ZYX: variants seen among roughly 807,000 people sequenced by gnomAD.
The protein encoded by ZYX is zyxin.
In ZYX, 37 loss-of-function variants were observed where a neutral mutation model predicts 58.1. That is an observed-to-expected ratio of 0.64 (90% CI 0.49 to 0.84). ZYX has a LOEUF of 0.84. Among genes scored for constraint, ZYX ranks in the 40% least tolerant of loss-of-function variants. ZYX has a pLI of 0.00. For synonymous variants in ZYX, 324 were observed against 321.1 expected (o/e 1.01, Z -0.10); for missense variants, 762 against 761.6 (o/e 1.00, Z -0.01).
In ZYX at chr7:143,383,733, A is replaced by T. The variant is rs148552400; in HGVS notation, c.1023+411A>T. ...GCACTCTTTCTGCCTGAGGGCTTGG[A>T]GGTAAGAGACAGCCCCAGTAAACAC... On this transcript the variant is annotated intron_variant, in intron 5 of 9. Transcript: ENST00000322764. Among the ~76,000 whole-genome samples, 38 of 152,226 alleles carry T rather than the reference A, an allele frequency of 2.5e-4. 1 individual carries two copies. In the East Asian group the frequency reaches 6.6e-3, roughly 26 times the overall value.
intron 2 of ZYX, 99 bp from the exon 3 acceptor site, chr7:143,382,149 G>A (rs964504548): frequency 2.1e-5 from 22 of 1,033,536 alleles, no homozygotes; most frequent in Admixed American, 1.0e-4. Flanking sequence ...TGGGACCCCT[G>A]AGAGAGTTCT....
At position 143,381,713 on chromosome 7, in the gene ZYX, C is replaced by T; in HGVS notation, c.142C>T (p.Pro48Ser). ...CCGGCCCGGGGACAGCGAGCCTCCC[C>T]CGGCACCCGGGGCCCAGCGCGCACA... is the stretch of plus-strand genomic sequence containing the variant. ...PFRPGDSEPP[P>S]APGAQRAQMG... is the part of the protein sequence containing the mutation. The change falls in exon 2 of 10, where the codon CCG becomes TCG. Residue 48 changes from proline to serine, a missense_variant. Physicochemically the swap from Pro to Ser is moderately conservative, Grantham distance 74. Transcript: ENST00000322764. 2 of 1,602,950 alleles carry T rather than the reference C, an allele frequency of 1.2e-6. No homozygotes were observed. The highest frequency in any genetic ancestry group is 1.1e-5 in the South Asian group (1 of 89,842).
Position 143,389,866 on chromosome 7 carries a change from C to T in ZYX, c.1503C>T (p.Ala501=). Residue 501 remains alanine (A), a synonymous_variant, in exon 9 of 10, where the codon GCC becomes GCT. Transcript: ENST00000322764. This position sits in a 1 kb window ranked among gnomAD's most constrained non-coding sequence, Gnocchi z 5.6. ...TTTCTGCCCCTTCCAGGCAGTACGC[C>T]CCGAGGTGCTCCGTCTGCTCTGAGC... ...HCVPDYHKQY[A]PRCSVCSEPI... 6.2e-7 allele frequency: 1 copy of T among 1,614,012 alleles called. No individual in the cohort carries two copies. Among genetic ancestry groups the T allele is most frequent in the Non-Finnish European group, 8.5e-7 (1 of 1,179,988 alleles).
chr7:143,389,145 G>C lies in ZYX; in HGVS notation c.1493+200G>C, dbSNP rs1804979210. Among the ~76,000 whole-genome samples the C allele has an allele frequency of 6.6e-6, 1 of 152,252 alleles. No individual in the cohort carries two copies. The highest frequency in any genetic ancestry group is 2.4e-5 in the African/African-American group (1 of 41,470). ...GGCCTGGGCATCGAGTCCTGCTGCT[G>C]TCTGGTCCCTCCCTCGCCCTTGATC... is the stretch of plus-strand genomic sequence containing the variant. On this transcript the variant is annotated intron_variant, in intron 8 of 9. Coordinates refer to ENST00000322764, the MANE Select transcript of ZYX (RefSeq NM_003461.5). The surrounding 1 kb of genome is among the most constrained non-coding windows in gnomAD (Gnocchi z 5.6).
chr7:143,382,144 C>T (rs1804631370), intron 2 of ZYX, 104 bp from the exon 3 acceptor site: 1 of 981,280 alleles, frequency 1.0e-6, no homozygotes, highest in South Asian at 1.6e-5. Flanking sequence ...CGCTCTGGGA[C>T]CCCTGAGAGA....
At chr7:143,383,390 G>C in intron 5 of ZYX, 68 bp downstream of exon 5, 2 of 1,510,416 alleles carry the variant, frequency 1.3e-6, no homozygotes, top group Non-Finnish European at 1.8e-6. Flanking sequence ...AGGAGCCAGA[G>C]CATAAGCATA....
At position 143,390,229 on chromosome 7, in the gene ZYX, G is replaced by T; in HGVS notation, c.1614+252G>T. ...AATGGGACAAGCCAATAGGAGAGAA[G>T]AAGGGCATGGTGTTTTACCGTGGTA... On this transcript the variant is annotated intron_variant, in intron 9 of 9. Coordinates refer to ENST00000322764, the MANE Select transcript of ZYX (RefSeq NM_003461.5). This position sits in a 1 kb window ranked among gnomAD's most constrained non-coding sequence, Gnocchi z 4.3. 1 of 559,140 alleles carries T rather than the reference G, an allele frequency of 1.8e-6. No individual in the cohort carries two copies. Among genetic ancestry groups the T allele is most frequent in the Non-Finnish European group, 3.2e-6 (1 of 313,386 alleles). The allele number at this position is 559,140 out of a possible 1,614,324, so 34.6% of individuals were successfully genotyped here. A position where few individuals can be genotyped will look rare whatever the true frequency, so the allele number is the denominator to read the frequency against.
rs373369997 is a variant in ZYX at position 143,388,214 on chromosome 7, T to C, written c.1024-5T>C. ...TAGAGTGTGAGGAAAATGTTGGGATTGCAGGTGCGCTCCCCTGGGGCCCCA... is the reference window on the plus strand; with the variant it reads ...TAGAGTGTGAGGAAAATGTTGGGATCGCAGGTGCGCTCCCCTGGGGCCCCA... On this transcript the variant is annotated splice_region_variant and splice_polypyrimidine_tract_variant and intron_variant, in intron 5 of 9. Transcript: ENST00000322764. The surrounding 1 kb of genome is among the most constrained non-coding windows in gnomAD (Gnocchi z 7.5). 2.5e-6 allele frequency: 4 copies of C among 1,595,892 alleles called. No individual in the cohort carries two copies. The highest frequency in any genetic ancestry group is 2.6e-6 in the Non-Finnish European group (3 of 1,171,058).
intron 5 of ZYX, among the ~76,000 whole-genome samples, chr7:143,385,731 C>G (rs529783376): frequency 7.0e-6 from 1 of 142,218 alleles, no homozygotes; most frequent in African/African-American, 2.6e-5. Context: ...ACAACCTCCG[C>G]CCCCCTGGCT....
Position 143,387,686 on chromosome 7 carries a change from TG to T in ZYX, c.1024-529del, listed in dbSNP as rs1804913713. The T allele has an allele frequency of 8.3e-5, 39 of 470,734 alleles. No individual in the cohort carries two copies. The highest frequency in any genetic ancestry group is 6.0e-4 in the South Asian group (39 of 64,558). 29.2% of individuals were successfully genotyped at this position (470,734 alleles called of 1,614,324 possible). On this transcript the variant is annotated intron_variant, in intron 5 of 9. Coordinates refer to ENST00000322764, the MANE Select transcript of ZYX (RefSeq NM_003461.5). This position sits in a 1 kb window ranked among gnomAD's most constrained non-coding sequence, Gnocchi z 5.8. The stretch of plus-strand genomic sequence containing the variant: ...GAGGGACAGGGTCTCTGTGTGGGGG[TG>T]GGGCTGGGTTCTTGCAGACAGCTCA...
chr7:143,387,221 GCAACTCTGGGTA>G lies in ZYX; in HGVS notation c.1024-995_1024-984del, dbSNP rs1467497228. 6.6e-6 allele frequency among the ~76,000 whole-genome samples: 1 copy of G among 152,208 alleles called. No individual in the cohort carries two copies. Among genetic ancestry groups the G allele is most frequent in the Non-Finnish European group, 1.5e-5 (1 of 68,006 alleles). On this transcript the variant is annotated intron_variant, in intron 5 of 9. Transcript: ENST00000322764. This position sits in a 1 kb window ranked among gnomAD's most constrained non-coding sequence, Gnocchi z 5.8. ...GCATGCTTCACTGGGCAGAAAGGACGCAACTCTGGGTACAGATGGGGGTCGGGGTGAGGGGCA... is the reference window on the plus strand; with the variant it reads ...GCATGCTTCACTGGGCAGAAAGGACGCAGATGGGGGTCGGGGTGAGGGGCA...
rs1177332747 is a variant in ZYX, at chr7:143,383,155, G to T, written c.856G>T (p.Gly286Cys). The change falls in exon 5 of 10, where the codon GGT becomes TGT. Residue 286 changes from glycine to cysteine, a missense_variant. Physicochemically the swap from Gly to Cys is radical, Grantham distance 159. Coordinates refer to ENST00000322764, the MANE Select transcript of ZYX (RefSeq NM_003461.5). ...TTCCAAGTTCAGTCCTGGAGCCCCA[G>T]GTGGATCTGGGTCACAACCAAATCA... Reference protein sequence around the residue: ...VASKFSPGAPGGSGSQPNQKL... With the variant: ...VASKFSPGAPCGSGSQPNQKL... 6.2e-7 allele frequency: 1 copy of T among 1,614,080 alleles called. No homozygotes were observed. Among genetic ancestry groups the T allele is most frequent in the Non-Finnish European group, 8.5e-7 (1 of 1,180,046 alleles).
chr7:143,386,824 T>C (rs1804882083), intron 5 of ZYX, among the ~76,000 whole-genome samples: 1 of 152,166 alleles, frequency 6.6e-6, no homozygotes, highest in South Asian at 2.1e-4. Context: ...AGGTCAAGGA[T>C]GTCCCATGAT....
rs546290782 is a variant in ZYX, at chr7:143,382,285, C to T, written c.246C>T (p.Gly82=). The part of the protein sequence containing the change: ...PLPPPPLAGD[G]DDAEGALGGA... ...CTCCACCTCCCCTTGCTGGGGATGG[C>T]GACGATGCAGAGGGTGCTCTGGGAG... Residue 82 remains glycine, a synonymous_variant, in exon 3 of 10, where the codon GGC becomes GGT. Coordinates refer to ENST00000322764, the MANE Select transcript of ZYX (RefSeq NM_003461.5). 4 of 1,612,770 alleles carry T rather than the reference C, an allele frequency of 2.5e-6. No individual in the cohort carries two copies. The highest frequency in any genetic ancestry group is 1.7e-5 in the Admixed American group (1 of 59,756).
At chr7:143,383,425 C>A in intron 5 of ZYX, 103 bp downstream of exon 5, 2 of 1,393,712 alleles carry the variant, frequency 1.4e-6, no homozygotes, top group South Asian at 1.4e-5. Context: ...TCAGGGTGGA[C>A]ACGGGGGTTG....
rs1285422942 is a variant in ZYX, at chr7:143,388,392, G to T, written c.1144+53G>T. 2.5e-6 allele frequency: 4 copies of T among 1,610,264 alleles called. No homozygotes were observed. The highest frequency in any genetic ancestry group is 1.1e-5 in the South Asian group (1 of 90,916). On this transcript the variant is annotated intron_variant, in intron 6 of 9. Transcript: ENST00000322764. This position sits in a 1 kb window ranked among gnomAD's most constrained non-coding sequence, Gnocchi z 7.5. ...ACCCTGCCCCCACATCACGGTGGGG[G>T]CCAGGGCTGTGGCTCCACTCCCTAT...
At chr7:143,386,317 C>T (rs1804865587) in intron 5 of ZYX, among the ~76,000 whole-genome samples, 2 of 151,692 alleles carry the variant, frequency 1.3e-5, no homozygotes, top group Admixed American at 1.3e-4. Flanking sequence ...GTGGTTGCAG[C>T]GTGGATAGGA....
chr7:143,385,944 C>T (rs1045253662), intron 5 of ZYX, among the ~76,000 whole-genome samples: 1 of 149,640 alleles, frequency 6.7e-6, no homozygotes, highest in South Asian at 2.1e-4. Flanking sequence ...CGCGCCTGGC[C>T]TGGTGTGGTA....
rs1805048718 is a variant in ZYX at position 143,390,888 on chromosome 7, C to T, written c.*206C>T. The stretch of plus-strand genomic sequence containing the variant: ...GCCCTGGGGTCTGGTCCTCGCCCAT[C>T]CTGCAGGGATTGCCCACCGTCTTCC... On this transcript the variant is annotated 3_prime_UTR_variant, in exon 10 of 10. Coordinates refer to ENST00000322764, the MANE Select transcript of ZYX (RefSeq NM_003461.5). This position sits in a 1 kb window ranked among gnomAD's most constrained non-coding sequence, Gnocchi z 4.3. The T allele has an allele frequency of 8.1e-5, 45 of 558,978 alleles. No individual in the cohort carries two copies. The South Asian group carries it at 9.2e-4, about 11-fold the overall frequency. 34.6% of individuals were successfully genotyped at this position (558,978 alleles called of 1,614,324 possible). A position where few individuals can be genotyped will look rare whatever the true frequency, so the allele number is the denominator to read the frequency against.
Sources: allele counts gnomAD v4.1 joint callset (sites outside exome capture counted in the v4.1 genomes callset), GRCh38; gene constraint gnomAD v4.1.1; non-coding constraint Gnocchi (gnomAD v3.1); transcripts MANE v1.5; gene names NCBI Gene and HGNC (gene_info 2026-07-23, HGNC 2026-07-21).